Variants in BIRC6 observed in about 807,000 individuals in gnomAD.
The protein encoded by BIRC6 is dual E2 ubiquitin-conjugating enzyme/E3 ubiquitin-protein ligase BIRC6.
Under a neutral mutation model 503.3 loss-of-function variants are expected in BIRC6, and 98 were observed. That is an observed-to-expected ratio of 0.19 (90% CI 0.17 to 0.23). BIRC6 has a LOEUF of 0.23. Among genes scored for constraint, BIRC6 ranks in the 10% least tolerant of loss-of-function variants. The probability of loss-of-function intolerance (pLI) is 1.00; values close to 1 mark genes in which losing one functional copy is unlikely to be tolerated. For missense variants in BIRC6, 5,360 were observed against 5,806.0 expected, an observed-to-expected ratio of 0.92 and a Z score of 2.50; for synonymous variants, 2,240 against 2,078.7, an observed-to-expected ratio of 1.08 and a Z score of -2.11.
chr2:32,370,849 TGATGA>T (rs1471859798), intron 1 of BIRC6, among the ~76,000 whole-genome samples: 2 of 152,172 alleles, frequency 1.3e-5, no homozygotes, highest in Admixed American at 6.5e-5. Flanking sequence ...CGTTGAAGTC[TGATGA>T]GATGTCAGTG....
chr2:32,416,969 G>C (rs2042444302), intron 10 of BIRC6, among the ~76,000 whole-genome samples: 1 of 151,964 alleles, frequency 6.6e-6, no homozygotes, highest in Non-Finnish European at 1.5e-5. Context: ...CCAAGTAGCT[G>C]GGATTACAGG....
At chr2:32,358,560 G>A (rs2033558012) in intron 1 of BIRC6, among the ~76,000 whole-genome samples, 2 of 152,224 alleles carry the variant, frequency 1.3e-5, no homozygotes, top group Non-Finnish European at 2.9e-5. Flanking sequence ...GAGATGTAAT[G>A]TATACAACTG....
intron 45 of BIRC6, among the ~76,000 whole-genome samples, chr2:32,496,287 G>A (rs1268107019): frequency 6.7e-6 from 1 of 150,092 alleles, no homozygotes; most frequent in Non-Finnish European, 1.5e-5. Context: ...GTGCTGTGGC[G>A]TGATTCAGAC....
chr2:32,514,144 G>T (rs1290104741), intron 54 of BIRC6, among the ~76,000 whole-genome samples: 6 of 152,056 alleles, frequency 3.9e-5, no homozygotes, highest in African/African-American at 1.2e-4. Context: ...AAAATAGAGA[G>T]ACCAAATCTC....
chr2:32,518,926 A>C lies in BIRC6; in HGVS notation c.11603A>C (p.Asp3868Ala). The C allele has an allele frequency of 1.2e-6, 2 of 1,613,742 alleles. No individual in the cohort carries two copies. The highest frequency in any genetic ancestry group is 1.7e-6 in the Non-Finnish European group (2 of 1,179,776). Residue 3868 changes from aspartate to alanine, a missense_variant, in exon 57 of 74, where the codon GAT becomes GCT. Asp to Ala is a moderately radical substitution (Grantham distance 126). Around this residue, in one of 16 missense-constraint regions of BIRC6, gnomAD observed 878 missense variants for 928.9 expected, o/e 0.95. Transcript: ENST00000421745. Reference sequence around the variant, plus strand: ...TTGCCAGTCTCAACAACATTATCAGATGTTCTTGACAGAGTGTCAGGCAAG... The same window carrying C: ...TTGCCAGTCTCAACAACATTATCAGCTGTTCTTGACAGAGTGTCAGGCAAG... ...LHLPVSTTLS[D>A]VLDRVSDTPS...
intron 1 of BIRC6, among the ~76,000 whole-genome samples, chr2:32,361,469 A>C (rs2034075029): frequency 6.6e-6 from 1 of 152,106 alleles, no homozygotes; most frequent in African/African-American, 2.4e-5. Flanking sequence ...CCCACCCATC[A>C]GTATTCTGCA....
At chr2:32,393,444 A>G (rs1016609245) in intron 5 of BIRC6, among the ~76,000 whole-genome samples, 6 of 152,252 alleles carry the variant, frequency 3.9e-5, no homozygotes, top group Non-Finnish European at 8.8e-5. Flanking sequence ...CACTGTTACC[A>G]CTGCTAAAAG....
chr2:32,370,883 G>A (rs532485051), intron 1 of BIRC6, among the ~76,000 whole-genome samples: 1 of 152,162 alleles, frequency 6.6e-6, no homozygotes, highest in Non-Finnish European at 1.5e-5. Context: ...GTTTTACAGT[G>A]TATTGTCAGT....
intron 61 of BIRC6, among the ~76,000 whole-genome samples, chr2:32,536,989 T>C (rs2057291996): frequency 6.6e-6 from 1 of 152,186 alleles, no homozygotes; most frequent in Non-Finnish European, 1.5e-5. Flanking sequence ...CCCTTGTAAG[T>C]TGGACTCCTA....
intron 65 of BIRC6, among the ~76,000 whole-genome samples, chr2:32,573,756 A>G (rs887418209): frequency 3.9e-5 from 6 of 152,230 alleles, no homozygotes; most frequent in African/African-American, 1.2e-4. Context: ...CTTTTTTACT[A>G]AAAAGAAAGT....
chr2:32,446,743 T>TG (rs2045991232), intron 21 of BIRC6, among the ~76,000 whole-genome samples: 1 of 119,680 alleles, frequency 8.4e-6, no homozygotes. Context: ...GCGCTGTTTT[T>TG]TTTTTTTTTT....
At chr2:32,394,809 CTCTG>C (rs2039675238) in intron 5 of BIRC6, among the ~76,000 whole-genome samples, 1 of 151,986 alleles carries the variant, frequency 6.6e-6, no homozygotes, top group Non-Finnish European at 1.5e-5. Context: ...CAGTCTGAGA[CTCTG>C]TCTCTTTAAA....
intron 72 of BIRC6, among the ~76,000 whole-genome samples, chr2:32,608,617 A>G (rs1033723508): frequency 6.6e-6 from 1 of 151,928 alleles, no homozygotes; most frequent in African/African-American, 2.4e-5. Context: ...GGGTTTCACC[A>G]TGTTGGCCAG....
At chr2:32,514,077 T>C (rs924960830) in intron 54 of BIRC6, among the ~76,000 whole-genome samples, 6 of 151,776 alleles carry the variant, frequency 4.0e-5, no homozygotes, top group South Asian at 2.1e-4. Context: ...AAAAATAACT[T>C]TGGGGAGCTG....
At chr2:32,388,686 G>A (rs923375761) in intron 3 of BIRC6, 64 bp from the exon 4 acceptor site, 5 of 1,204,888 alleles carry the variant, frequency 4.1e-6, no homozygotes, top group Middle Eastern at 2.1e-4. Flanking sequence ...TAATGGTTAA[G>A]TTATGATTTT....
At chr2:32,601,358 G>T (rs1186951296) in intron 70 of BIRC6, among the ~76,000 whole-genome samples, 3 of 152,128 alleles carry the variant, frequency 2.0e-5, no homozygotes, top group Non-Finnish European at 4.4e-5. Flanking sequence ...GAGGCGGGTG[G>T]ATCACCTGAG....
At chr2:32,507,070 T>C (rs1261281789) in intron 50 of BIRC6, among the ~76,000 whole-genome samples, 1 of 152,120 alleles carries the variant, frequency 6.6e-6, no homozygotes, top group Non-Finnish European at 1.5e-5. Context: ...TGGTAGTTCA[T>C]TGGGGACTCC....
intron 17 of BIRC6, 32 bp downstream of exon 17, chr2:32,441,494 C>T (rs1228162909): frequency 2.5e-6 from 4 of 1,580,624 alleles, no homozygotes; most frequent in Non-Finnish European, 3.5e-6. Flanking sequence ...GTTATTCTTA[C>T]AGTAATGAAA....
chr2:32,588,454 G>T (rs2061203033), intron 66 of BIRC6, among the ~76,000 whole-genome samples: 1 of 152,160 alleles, frequency 6.6e-6, no homozygotes, highest in African/African-American at 2.4e-5. Context: ...CACTTTCGTA[G>T]ATTAGGGCAA....
Sources: allele counts gnomAD v4.1 joint callset (sites outside exome capture counted in the v4.1 genomes callset), GRCh38; gene constraint gnomAD v4.1.1; regional missense constraint gnomAD v4.1.1; transcripts MANE v1.5; gene names NCBI Gene and HGNC (gene_info 2026-07-23, HGNC 2026-07-21).